NOTCH2: variants seen among roughly 807,000 people sequenced by gnomAD.
NOTCH2 encodes neurogenic locus notch homolog protein 2.
NOTCH2 carries 29 observed loss-of-function variants against 235.8 expected under a neutral mutation model. The observed-to-expected ratio is 0.12, with a 90% CI of 0.09 to 0.17. The LOEUF is 0.17. NOTCH2 is among the 10% of genes least tolerant of loss of function. The pLI is 1.00. For synonymous variants in NOTCH2, 1,086 were observed against 1,141.5 expected (o/e 0.95, Z 0.98); for missense variants, 2,285 against 3,150.2 (o/e 0.73, Z 6.57).
At chr1:119,965,208 A>G (rs1476929536) in intron 10 of NOTCH2, among the ~76,000 whole-genome samples, 1 of 152,222 alleles carries the variant, frequency 6.6e-6, no homozygotes, top group Non-Finnish European at 1.5e-5. Flanking sequence ...TGCTGCCAAA[A>G]TCTGTCCCAG....
chr1:119,968,954 C>A (rs983067755), intron 6 of NOTCH2, among the ~76,000 whole-genome samples: 21 of 152,230 alleles, frequency 1.4e-4, no homozygotes, highest in African/African-American at 5.1e-4. Flanking sequence ...GCTAAATTAT[C>A]TTCTCCCATC....
At position 119,915,087 on chromosome 1, in the gene NOTCH2, ACTTGT is replaced by A. The variant is rs1557801308; in HGVS notation, c.*214_*218del. ...TTGTATTCATCTTGCATTTCCACAA[ACTTGT>A]CTTATTAGATTAGAATAATCAATAA... is the stretch of plus-strand genomic sequence containing the variant. On this transcript the variant is annotated 3_prime_UTR_variant, in exon 34 of 34. Transcript: ENST00000256646. 4 of 588,468 alleles carry A rather than the reference ACTTGT, an allele frequency of 6.8e-6. No individual in the cohort carries two copies. The highest frequency in any genetic ancestry group is 9.1e-6 in the Non-Finnish European group (3 of 330,206). The allele number at this position is 588,468 out of a possible 1,614,324, so 36.5% of individuals were successfully genotyped here.
Position 119,952,619 on chromosome 1 carries a change from A to G in NOTCH2, c.2365+924T>C, listed in dbSNP as rs587703951. On this transcript the variant is annotated intron_variant, in intron 14 of 33. Transcript: ENST00000256646. ...AGGCCACCACTGATCTGACAGAGAC[A>G]GAGCTCAGGCGGTAATGTGAGTGAC... Among the ~76,000 whole-genome samples the G allele has an allele frequency of 2.6e-5, 4 of 152,302 alleles. No homozygotes were observed. The South Asian group carries it at 8.3e-4, about 32-fold the overall frequency.
chr1:119,948,518 A>C lies in NOTCH2; in HGVS notation c.2648T>G (p.Met883Arg). ...GGTGTTATGGCAGAGACCATGGTTC[A>C]TGCAGGGCTTGGAGATACACTCGTC... ...DIDECISKPC[M>R]NHGLCHNTQG... Residue 883 changes from methionine to arginine, a missense_variant, in exon 17 of 34, where the codon ATG (methionine) becomes AGG (arginine). Transcript: ENST00000256646. 1.9e-6 allele frequency: 3 copies of C among 1,614,218 alleles called. No individual in the cohort carries two copies. Among genetic ancestry groups the C allele is most frequent in the Non-Finnish European group, 2.5e-6 (3 of 1,180,032 alleles).
chr1:119,959,308 A>G lies in NOTCH2; in HGVS notation c.2026+84T>C. The G allele has an allele frequency of 1.1e-5, 9 of 813,888 alleles. 1 individual carries two copies. The South Asian group carries it at 1.2e-4, about 11-fold the overall frequency. The allele number at this position is 813,888 out of a possible 1,614,324, so 50.4% of individuals were successfully genotyped here. A position where few individuals can be genotyped will look rare whatever the true frequency, so the allele number is the denominator to read the frequency against. Reference sequence around the variant, plus strand: ...CCAGAGTGACAAAGAAATAGGAAACACTTGAAAAGCAATATTCCTTTGGAT... The same window carrying G: ...CCAGAGTGACAAAGAAATAGGAAACGCTTGAAAAGCAATATTCCTTTGGAT... On this transcript the variant is annotated intron_variant, in intron 12 of 33. Coordinates refer to ENST00000256646, the MANE Select transcript of NOTCH2 (RefSeq NM_024408.4).
At chr1:119,962,992 T>C (rs781843148) in intron 11 of NOTCH2, among the ~76,000 whole-genome samples, 6 of 152,080 alleles carry the variant, frequency 3.9e-5, no homozygotes, top group Non-Finnish European at 8.8e-5. Context: ...GGATAGGAAA[T>C]GACAGCTCTG....
chr1:119,940,850 G>A, intron 18 of NOTCH2, 94 bp from the exon 19 acceptor site: 1 of 1,152,982 alleles, frequency 8.7e-7, no homozygotes, highest in South Asian at 1.3e-5. Flanking sequence ...TCATACAGAG[G>A]CAAATACCTC....
At chr1:119,982,654 ACTT>A (rs1333250728) in intron 5 of NOTCH2, among the ~76,000 whole-genome samples, 1 of 152,242 alleles carries the variant, frequency 6.6e-6, no homozygotes, top group Non-Finnish European at 1.5e-5. Context: ...CATCAGGTCT[ACTT>A]CTATTTCCTA....
At chr1:119,967,105 T>C (rs1435862011) in intron 8 of NOTCH2, among the ~76,000 whole-genome samples, 1 of 152,250 alleles carries the variant, frequency 6.6e-6, no homozygotes, top group African/African-American at 2.4e-5. Flanking sequence ...TGGTATGGTA[T>C]TTGTAATTAC....
intron 18 of NOTCH2, among the ~76,000 whole-genome samples, 192 bp downstream of exon 18, chr1:119,941,334 C>A (rs1650054290): frequency 6.6e-6 from 1 of 152,176 alleles, no homozygotes; most frequent in Non-Finnish European, 1.5e-5. Context: ...AACTTTGCAA[C>A]CTCTGACCTT....
At chr1:119,996,549 C>T in intron 4 of NOTCH2, 1 of 672,724 alleles carries the variant, frequency 1.5e-6, no homozygotes, top group South Asian at 1.7e-5. Flanking sequence ...GATAAGAAAA[C>T]AATGAATTAC....
Position 119,966,421 on chromosome 1 carries a change from G to C in NOTCH2, c.1522C>G (p.Gln508Glu). The change falls in exon 9 of 34, where the codon CAG becomes GAG. Residue 508 changes from glutamine to glutamate, a missense_variant. Around this residue, in one of 6 missense-constraint regions of NOTCH2, gnomAD observed 431 missense variants for 757.8 expected, o/e 0.57. Coordinates refer to ENST00000256646, the MANE Select transcript of NOTCH2 (RefSeq NM_024408.4). ...AAACGATTGACTTTATCCACACACT[G>C]CCCATTGTTCACACAAGGGTTGCTC... ...CQSNPCVNNG[Q>E]CVDKVNRFQC... The C allele has an allele frequency of 2.5e-6, 4 of 1,613,956 alleles. No individual in the cohort carries two copies. The highest frequency in any genetic ancestry group is 3.4e-6 in the Non-Finnish European group (4 of 1,179,910).
intron 5 of NOTCH2, among the ~76,000 whole-genome samples, chr1:119,985,283 A>G (rs782802422): frequency 2.0e-5 from 3 of 152,216 alleles, no homozygotes; most frequent in South Asian, 2.1e-4. Context: ...TAAATGACAG[A>G]CAGCAAATCA....
intron 13 of NOTCH2, among the ~76,000 whole-genome samples, chr1:119,953,925 T>G (rs1179126110): frequency 6.6e-6 from 1 of 152,166 alleles, no homozygotes; most frequent in East Asian, 1.9e-4. Flanking sequence ...ATAATGAAAT[T>G]TCTTATGTAA....
chr1:119,952,743 G>A (rs776504850), intron 14 of NOTCH2, among the ~76,000 whole-genome samples: 1 of 152,208 alleles, frequency 6.6e-6, no homozygotes, highest in Middle Eastern at 3.2e-3. Flanking sequence ...ACAGGTACTG[G>A]TCTGTAGCCT....
At chr1:120,027,786 TC>T (rs1455913669) in intron 2 of NOTCH2, among the ~76,000 whole-genome samples, 2 of 150,880 alleles carry the variant, frequency 1.3e-5, no homozygotes, top group East Asian at 3.9e-4. Flanking sequence ...TTCATCCATG[TC>T]CCTGCAAAGG....
rs587690267 is a variant in NOTCH2, at chr1:119,938,608, C to T, written c.3184-598G>A. ...AGGCTTGCTGGGTGGTTTTGTACCA[C>T]ATTGTTTATTGTTGTGCACTCATAT... On this transcript the variant is annotated intron_variant, in intron 19 of 33. Coordinates refer to ENST00000256646, the MANE Select transcript of NOTCH2 (RefSeq NM_024408.4). Among the ~76,000 whole-genome samples, 6 of 152,220 alleles carry T rather than the reference C, an allele frequency of 3.9e-5. No individual in the cohort carries two copies. The East Asian group carries it at 1.2e-3, about 29-fold the overall frequency.
chr1:119,986,074 G>C (rs1430940777), intron 5 of NOTCH2, among the ~76,000 whole-genome samples: 2 of 152,154 alleles, frequency 1.3e-5, no homozygotes, highest in Admixed American at 1.3e-4. Flanking sequence ...GTAATTCAGA[G>C]ACACTAAAGA....
chr1:119,940,860 C>CTGTA, intron 18 of NOTCH2, 104 bp from the exon 19 acceptor site: 5 of 994,440 alleles, frequency 5.0e-6, no homozygotes, highest in Non-Finnish European at 7.8e-6. Flanking sequence ...GCAAATACCT[C>CTGTA]TGAGCAACCC....
Sources: allele counts gnomAD v4.1 joint callset (sites outside exome capture counted in the v4.1 genomes callset), GRCh38; gene constraint gnomAD v4.1.1; regional missense constraint gnomAD v4.1.1; transcripts MANE v1.5; gene names NCBI Gene and HGNC (gene_info 2026-07-23, HGNC 2026-07-21).